ZNF680: variants seen among roughly 807,000 people sequenced by gnomAD.
ZNF680 encodes the protein hypothetical protein FLJ90430.
In ZNF680, 6 loss-of-function variants were observed where a neutral mutation model predicts 12.1. The ratio of observed to expected loss-of-function variants is 0.49; its 90% CI spans 0.27 to 0.98. The LOEUF is 0.98. Ranked by LOEUF, ZNF680 falls within the 50% of genes least tolerant of loss-of-function variation. The pLI is 0.12. For missense variants in ZNF680, 561 were observed against 616.3 expected (o/e 0.91, Z 0.95); for synonymous variants, 170 against 199.3 (o/e 0.85, Z 1.24).
At chr7:64,502,220 C>G in the ZNF680 span, among the ~76,000 whole-genome samples, 1 of 151,910 alleles carries the variant, frequency 6.6e-6, no homozygotes, top group Non-Finnish European at 1.5e-5. Flanking sequence ...ACCATGTTGG[C>G]CAGGCTGGTC....
chr7:64,522,152 A>G lies in ZNF680; in HGVS notation c.602T>C (p.Ile201Thr), dbSNP rs1178855344. The part of the protein sequence containing the change: ...FCMLSHLTQH[I>T]RIHTRENSYK... The stretch of plus-strand genomic sequence containing the variant: ...AGAATTCTCTCTAGTGTGAATTCTT[A>G]TATGTTGTGTTAGATGTGAAAGCAT... The change falls in exon 4 of 4, where the codon ATA (isoleucine) becomes ACA (threonine). Residue 201 changes from isoleucine (I) to threonine (T), a missense_variant. By Grantham distance (89) the Ile-to-Thr change is moderately conservative. Coordinates refer to ENST00000309683, the MANE Select transcript of ZNF680 (RefSeq NM_178558.5). 9 of 1,612,894 alleles carry G rather than the reference A, an allele frequency of 5.6e-6. No individual in the cohort carries two copies. Among genetic ancestry groups the G allele is most frequent in the East Asian group, 2.2e-5 (1 of 44,796 alleles).
At chr7:64,523,909 T>C (rs995080059) in intron 3 of ZNF680, among the ~76,000 whole-genome samples, 5 of 147,294 alleles carry the variant, frequency 3.4e-5, no homozygotes, top group Non-Finnish European at 7.4e-5. Context: ...CGAGACTCCA[T>C]CTCAAAAAAA....
intron 3 of ZNF680, among the ~76,000 whole-genome samples, chr7:64,542,355 C>T (rs1786550365): frequency 6.6e-6 from 1 of 152,164 alleles, no homozygotes; most frequent in Non-Finnish European, 1.5e-5. Context: ...TAACATAGAA[C>T]TGCAAGTATG....
intron 3 of ZNF680, among the ~76,000 whole-genome samples, chr7:64,541,394 T>A (rs547842532): frequency 6.6e-6 from 1 of 152,104 alleles, no homozygotes; most frequent in African/African-American, 2.4e-5. Context: ...GCAAGAAAAT[T>A]TATCAGCCAT....
At chr7:64,511,228 C>CCA in the ZNF680 span, among the ~76,000 whole-genome samples, 1 of 151,974 alleles carries the variant, frequency 6.6e-6, no homozygotes, top group East Asian at 1.9e-4. Flanking sequence ...CAAGATTGGG[C>CCA]CACTGCACTC....
the ZNF680 span, among the ~76,000 whole-genome samples, chr7:64,505,896 C>T: frequency 1.3e-5 from 2 of 152,028 alleles, no homozygotes; most frequent in Non-Finnish European, 2.9e-5. Flanking sequence ...AAGCAGCTTA[C>T]AGCATGGCCC....
the ZNF680 span, chr7:64,501,462 G>A: frequency 1.1e-6 from 1 of 912,380 alleles, no homozygotes; most frequent in African/African-American, 1.6e-5. Flanking sequence ...TGGAAAACCT[G>A]GAAAAATTTA....
chr7:64,512,263 G>A, the ZNF680 span, among the ~76,000 whole-genome samples: 5 of 151,368 alleles, frequency 3.3e-5, no homozygotes, highest in Middle Eastern at 3.5e-3. Flanking sequence ...TCCTGGCCAA[G>A]ATGGTGAAAC....
the ZNF680 span, among the ~76,000 whole-genome samples, chr7:64,512,273 C>A: frequency 2.0e-5 from 3 of 151,108 alleles, no homozygotes; most frequent in Admixed American, 6.6e-5. Context: ...GATGGTGAAA[C>A]CCCTTCTCTA....
chr7:64,534,256 A>C (rs1465351735), intron 3 of ZNF680, among the ~76,000 whole-genome samples: 1 of 152,216 alleles, frequency 6.6e-6, no homozygotes, highest in Admixed American at 6.5e-5. Flanking sequence ...GGATCTTCAC[A>C]ATTTATACAT....
the ZNF680 span, among the ~76,000 whole-genome samples, chr7:64,504,566 T>A: frequency 1.3e-5 from 2 of 152,190 alleles, no homozygotes; most frequent in African/African-American, 4.8e-5. Context: ...TGAGGCAGAG[T>A]AGGATTCATA....
chr7:64,531,002 G>A (rs1054439626), intron 3 of ZNF680, among the ~76,000 whole-genome samples: 7 of 151,688 alleles, frequency 4.6e-5, no homozygotes, highest in Admixed American at 4.6e-4. Flanking sequence ...ATTACTAATA[G>A]ACCTAAAAAA....
chr7:64,562,602 G>T (rs893787802), intron 1 of ZNF680, among the ~76,000 whole-genome samples: 1 of 152,204 alleles, frequency 6.6e-6, no homozygotes, highest in Admixed American at 6.5e-5. Context: ...GGGACCCCAT[G>T]GACCAAAGCG....
chr7:64,557,384 G>A (rs545008305), intron 1 of ZNF680, among the ~76,000 whole-genome samples: 2 of 149,428 alleles, frequency 1.3e-5, no homozygotes, highest in African/African-American at 2.5e-5. Flanking sequence ...GTGAAACCCC[G>A]TCTCTACTAA....
Position 64,521,239 on chromosome 7 carries a change from A to G in ZNF680, c.1515T>C (p.Leu505=), listed in dbSNP as rs1791510734. Residue 505 remains leucine, a synonymous_variant, in exon 4 of 4, where the codon CTT becomes CTC. Coordinates refer to ENST00000309683, the MANE Select transcript of ZNF680 (RefSeq NM_178558.5). ...CAGTATGAATTTTCTTATGTCTAGT[A>G]AGGTGTGAGGACCGGTTAAAAGCTT... is the stretch of plus-strand genomic sequence containing the variant. ...CGKAFNRSSH[L]TRHKKIHTGE... 6.2e-7 allele frequency: 1 copy of G among 1,613,466 alleles called. No individual in the cohort carries two copies. The highest frequency in any genetic ancestry group is 1.7e-5 in the Admixed American group (1 of 59,982).
In ZNF680 at chr7:64,521,615, C is replaced by A. The variant is rs1357299464; in HGVS notation, c.1139G>T (p.Cys380Phe). The A allele has an allele frequency of 1.2e-6, 2 of 1,612,290 alleles. No homozygotes were observed. The highest frequency in any genetic ancestry group is 4.5e-5 in the East Asian group (2 of 44,820). The change falls in exon 4 of 4, where the codon TGT (cysteine) becomes TTT (phenylalanine). Residue 380 changes from cysteine to phenylalanine, a missense_variant. Physicochemically the swap from Cys to Phe is radical, Grantham distance 205. Transcript: ENST00000309683. ...KIHTGEKSYKCEECGKAFIQS... is the reference protein window; with the variant it reads ...KIHTGEKSYKFEECGKAFIQS... ...TATAAAAGCTTTGCCGCATTCTTCA[C>A]ATTTGTAGGATTTCTCTCCAGTATG... is the stretch of plus-strand genomic sequence containing the variant.
the ZNF680 span, among the ~76,000 whole-genome samples, chr7:64,511,068 G>A: frequency 4.6e-5 from 7 of 151,328 alleles, no homozygotes; most frequent in African/African-American, 7.3e-5. Flanking sequence ...TCAGGAGTTC[G>A]AGACCAGCCT....
chr7:64,518,973 G>A (rs184276732), downstream of ZNF680, among the ~76,000 whole-genome samples: 56 of 151,926 alleles, frequency 3.7e-4, no homozygotes, highest in East Asian at 9.8e-3. Flanking sequence ...TAAATGCAAC[G>A]AAAACAAATA....
Position 64,540,326 on chromosome 7 carries a change from A to G in ZNF680, c.253+3381T>C, listed in dbSNP as rs139111364. ...TCCTTTTTTTTTTTTTTTTTTTGAG[A>G]TGGAGGCTCGCTCTGTCGCCCAGGC... is the stretch of plus-strand genomic sequence containing the variant. On this transcript the variant is annotated intron_variant, in intron 3 of 3. Transcript: ENST00000309683. Among the ~76,000 whole-genome samples the G allele has an allele frequency of 0.033, 4,309 of 131,096 alleles. 337 individuals are homozygous for G. In the East Asian group the frequency reaches 0.34, roughly 10 times the overall value. The allele number at this position is 131,096 out of a possible 152,430, so 86.0% of individuals were successfully genotyped here.
Sources: gnomAD v4.1 joint callset for allele counts (sites outside exome capture counted in the v4.1 genomes callset) on GRCh38, gnomAD v4.1.1 for gene constraint, MANE v1.5 for transcripts, NCBI Gene and HGNC (gene_info 2026-07-23, HGNC 2026-07-21) for gene names.